The following CADM1 variants were observed in gnomAD, a reference collection of about 807,000 sequenced individuals.
CADM1 encodes cell adhesion molecule 1.
In CADM1, 15 loss-of-function variants were observed where a neutral mutation model predicts 53.1. The ratio of observed to expected loss-of-function variants is 0.28; its 90% CI spans 0.19 to 0.44. The LOEUF (loss-of-function observed/expected upper bound fraction) is 0.44, where lower values mean the gene tolerates loss of function less well. CADM1 is among the 20% of genes least tolerant of loss of function. CADM1 has a pLI of 1.00. For synonymous variants in CADM1, 281 were observed against 243.0 expected, an observed-to-expected ratio of 1.16 and a Z score of -1.45; for missense variants, 434 against 611.3, an observed-to-expected ratio of 0.71 and a Z score of 3.06.
intron 1 of CADM1, among the ~76,000 whole-genome samples, chr11:115,280,980 A>C (rs1000187751): frequency 2.0e-5 from 3 of 152,226 alleles, no homozygotes; most frequent in Non-Finnish European, 4.4e-5. Context: ...TCTCAATGGA[A>C]TAGAAATAAG....
At chr11:115,392,550 GAA>G (rs1347383208) in intron 1 of CADM1, among the ~76,000 whole-genome samples, 1 of 152,088 alleles carries the variant, frequency 6.6e-6, no homozygotes, top group African/African-American at 2.4e-5. Context: ...CTACTGAAAA[GAA>G]AACCAAATGG....
chr11:115,492,978 GAA>G (rs35543230), intron 1 of CADM1, among the ~76,000 whole-genome samples: 2 of 150,878 alleles, frequency 1.3e-5, no homozygotes, highest in Non-Finnish European at 3.0e-5. Flanking sequence ...TTTGCTCACG[GAA>G]AAGTTTAGAA....
In CADM1 at chr11:115,190,923, T is replaced by A; in HGVS notation, c.1130A>T (p.Asn377Ile). Residue 377 changes from asparagine (N) to isoleucine (I), a missense_variant, in exon 10 of 12, where the codon AAT (asparagine) becomes ATT (isoleucine). By Grantham distance (149) the Asn-to-Ile change is moderately radical. Coordinates refer to ENST00000331581, the MANE Select transcript of CADM1 (RefSeq NM_001301043.2). ...CTCACTGTCCAGTTCTTCTGCGGAA[T>A]TGGGCAACTGAGTAAGGCCTTACAA... The part of the protein sequence containing the change: ...PAVHGLTQLP[N>I]SAEELDSEDL... The A allele has an allele frequency of 6.3e-7, 1 of 1,594,706 alleles. No homozygotes were observed. Among genetic ancestry groups the A allele is most frequent in the Non-Finnish European group, 8.5e-7 (1 of 1,178,250 alleles).
At chr11:115,331,156 G>GT (rs892444852) in intron 1 of CADM1, among the ~76,000 whole-genome samples, 2 of 152,086 alleles carry the variant, frequency 1.3e-5, no homozygotes, top group African/African-American at 2.4e-5. Flanking sequence ...TGGGGATTTG[G>GT]TTTTTTTGAG....
chr11:115,312,817 TAGC>T (rs1255494818), intron 1 of CADM1, among the ~76,000 whole-genome samples: 3 of 152,154 alleles, frequency 2.0e-5, no homozygotes, highest in Admixed American at 1.3e-4. Flanking sequence ...TGTGGGAACG[TAGC>T]AGAAGAGACT....
intron 4 of CADM1, 108 bp downstream of exon 4, chr11:115,231,245 T>C: frequency 8.2e-7 from 1 of 1,221,760 alleles, no homozygotes; most frequent in Non-Finnish European, 1.2e-6. Flanking sequence ...CATATCTAAA[T>C]GAATACTTTT....
chr11:115,221,689 G>C (rs1941411950), intron 5 of CADM1, among the ~76,000 whole-genome samples: 1 of 152,150 alleles, frequency 6.6e-6, no homozygotes, highest in African/African-American at 2.4e-5. Flanking sequence ...AAAAGACACA[G>C]TCTCCTCTGT....
intron 1 of CADM1, among the ~76,000 whole-genome samples, chr11:115,370,795 T>C (rs1284347138): frequency 6.6e-6 from 1 of 152,194 alleles, no homozygotes; most frequent in Non-Finnish European, 1.5e-5. Context: ...CCCTATATAT[T>C]GACCTCTGAA....
rs1476367122 is a variant in CADM1, at chr11:115,176,019, A to C, written c.*455T>G. ...CCATAAAAATAAACAAAAGTAAAAA[A>C]CTAGAACAGAAAAGGGAAGGAAAAG... On this transcript the variant is annotated 3_prime_UTR_variant, in exon 12 of 12. Coordinates refer to ENST00000331581, the MANE Select transcript of CADM1 (RefSeq NM_001301043.2). 5 of 1,050,022 alleles carry C rather than the reference A, an allele frequency of 4.8e-6. No homozygotes were observed. Among genetic ancestry groups the C allele is most frequent in the Non-Finnish European group, 5.7e-6 (5 of 869,670 alleles). The allele number at this position is 1,050,022 out of a possible 1,614,324, so 65.0% of individuals were successfully genotyped here.
chr11:115,362,487 A>T (rs1470612024), intron 1 of CADM1, among the ~76,000 whole-genome samples: 1 of 152,242 alleles, frequency 6.6e-6, no homozygotes, highest in Non-Finnish European at 1.5e-5. Flanking sequence ...GAGCACTGCG[A>T]CCTAGTCAAC....
intron 1 of CADM1, among the ~76,000 whole-genome samples, chr11:115,418,628 A>C (rs1002257407): frequency 2.4e-4 from 36 of 152,202 alleles, no homozygotes; most frequent in African/African-American, 8.7e-4. Context: ...GAGTTTATAC[A>C]TATTAATGTC....
chr11:115,503,382 C>T (rs1387671223), intron 1 of CADM1, among the ~76,000 whole-genome samples: 1 of 152,184 alleles, frequency 6.6e-6, no homozygotes, highest in Non-Finnish European at 1.5e-5. Context: ...AGGGAGCGCG[C>T]GGAGGCCCGC....
At chr11:115,438,248 C>T (rs966987107) in intron 1 of CADM1, among the ~76,000 whole-genome samples, 1 of 152,096 alleles carries the variant, frequency 6.6e-6, no homozygotes, top group Admixed American at 6.6e-5. Flanking sequence ...CTGCTTGGTC[C>T]ATTTTGGGAT....
intron 1 of CADM1, among the ~76,000 whole-genome samples, chr11:115,497,733 T>C (rs1218257350): frequency 6.6e-6 from 1 of 152,142 alleles, no homozygotes; most frequent in Non-Finnish European, 1.5e-5. Context: ...AACTAAGGCT[T>C]TTTATTCGAT....
At chr11:115,337,345 T>C (rs1008288584) in intron 1 of CADM1, among the ~76,000 whole-genome samples, 1 of 152,136 alleles carries the variant, frequency 6.6e-6, no homozygotes, top group African/African-American at 2.4e-5. Flanking sequence ...TCCACATAAT[T>C]GTCTGTCTTC....
chr11:115,273,725 A>G (rs1337386329), intron 1 of CADM1, among the ~76,000 whole-genome samples: 2 of 152,244 alleles, frequency 1.3e-5, no homozygotes, highest in East Asian at 3.8e-4. Context: ...AAGCCATTAG[A>G]TATAATTATG....
rs560071991 is a variant in CADM1, at chr11:115,328,232, T to C, written c.125-87812A>G. Among the ~76,000 whole-genome samples the C allele has an allele frequency of 8.5e-5, 13 of 152,166 alleles. No individual in the cohort carries two copies. In the East Asian group the frequency reaches 2.5e-3, roughly 30 times the overall value. On this transcript the variant is annotated intron_variant, in intron 1 of 11. Coordinates refer to ENST00000331581, the MANE Select transcript of CADM1 (RefSeq NM_001301043.2). ...CTTTTGAGGGCCTAAAACTTAGGAC[T>C]TATTTACGTCTCTTCTGATTTCTGC...
chr11:115,304,116 T>C (rs2135143338), intron 1 of CADM1, among the ~76,000 whole-genome samples: 1 of 152,258 alleles, frequency 6.6e-6, no homozygotes, highest in East Asian at 1.9e-4. Flanking sequence ...GCATGTGCTT[T>C]ATAATGTTAG....
At position 115,238,514 on chromosome 11, in the gene CADM1, G is replaced by A. The variant is rs1942091690; in HGVS notation, c.410C>T (p.Thr137Ile). Residue 137 changes from threonine to isoleucine, a missense_variant, in exon 3 of 12, where the codon ACC becomes ATC. Transcript: ENST00000331581. ...GCGTTTCTTACCCAGGACTGTGATG[G>A]TGGTGTAACTTTCCTGTGGGGGATC... ...YTDPPQESYT[T>I]ITVLVPPRNL... 6.2e-7 allele frequency: 1 copy of A among 1,613,856 alleles called. No individual in the cohort carries two copies. Among genetic ancestry groups the A allele is most frequent in the Non-Finnish European group, 8.5e-7 (1 of 1,179,796 alleles).
Sources: gnomAD v4.1 joint callset for allele counts (sites outside exome capture counted in the v4.1 genomes callset) on GRCh38, gnomAD v4.1.1 for gene constraint, MANE v1.5 for transcripts, NCBI Gene and HGNC (gene_info 2026-07-23, HGNC 2026-07-21) for gene names.